The following KCTD9 variants were observed in gnomAD, a reference collection of about 807,000 sequenced individuals.
KCTD9 encodes potassium channel tetramerization domain containing 9.
Under a neutral mutation model 53.3 loss-of-function variants are expected in KCTD9, and 17 were observed. That is an observed-to-expected ratio of 0.32 (90% CI 0.22 to 0.48). The LOEUF is 0.48. Among genes scored for constraint, KCTD9 ranks in the 20% least tolerant of loss-of-function variants. The pLI is 0.99. For synonymous variants in KCTD9, 128 were observed against 162.7 expected (o/e 0.79, Z 1.62); for missense variants, 179 against 465.5 (o/e 0.38, Z 5.66).
At chr8:25,454,321 C>G (rs180872832) in intron 1 of KCTD9, among the ~76,000 whole-genome samples, 2 of 152,282 alleles carry the variant, frequency 1.3e-5, no homozygotes, top group Admixed American at 1.3e-4. Flanking sequence ...ACTCAGAAGG[C>G]ATTTACTAAG....
At chr8:25,442,584 T>C (rs941178294) in intron 3 of KCTD9, among the ~76,000 whole-genome samples, 3 of 152,216 alleles carry the variant, frequency 2.0e-5, no homozygotes, top group Non-Finnish European at 2.9e-5. Context: ...ATTGTTCTCA[T>C]AGTATCTTGG....
chr8:25,452,780 T>C (rs537625431), intron 1 of KCTD9, among the ~76,000 whole-genome samples: 4 of 152,358 alleles, frequency 2.6e-5, no homozygotes, highest in Non-Finnish European at 4.4e-5. Context: ...CATGGTAGTA[T>C]TTGTATAACA....
chr8:25,440,416 T>G (rs1330107436), intron 4 of KCTD9, 161 bp downstream of exon 4: 6 of 585,280 alleles, frequency 1.0e-5, no homozygotes, highest in Non-Finnish European at 1.8e-5. Flanking sequence ...GAGTGAACCA[T>G]GTTTTTTTCT....
chr8:25,451,350 G>C (rs143865236), intron 1 of KCTD9: 73 of 152,248 alleles, frequency 4.8e-4, no homozygotes, highest in African/African-American at 1.7e-3. Flanking sequence ...AGAAAGAGGA[G>C]CAATAAAAAT....
intron 3 of KCTD9, among the ~76,000 whole-genome samples, chr8:25,441,061 G>A (rs937395528): frequency 6.6e-6 from 1 of 152,074 alleles, no homozygotes; most frequent in Non-Finnish European, 1.5e-5. Context: ...ATCTTATAGG[G>A]CTGAAAATAA....
intron 5 of KCTD9, 39 bp from the exon 6 acceptor site, chr8:25,439,446 A>T: frequency 6.3e-7 from 1 of 1,576,374 alleles, no homozygotes; most frequent in Non-Finnish European, 8.6e-7. Flanking sequence ...CCCCATAAAC[A>T]AAAAATAAAG....
chr8:25,444,486 T>C, intron 2 of KCTD9, 151 bp from the exon 3 acceptor site: 1 of 648,788 alleles, frequency 1.5e-6, no homozygotes, highest in Non-Finnish European at 2.6e-6. Context: ...CAATGCTTTG[T>C]TTAACCCCTT....
intron 1 of KCTD9, chr8:25,457,439 G>T: frequency 1.1e-6 from 1 of 913,950 alleles, no homozygotes; most frequent in Non-Finnish European, 1.3e-6. Context: ...AAGAGAATTC[G>T]TTTTGGCTTG....
At chr8:25,445,442 TA>T (rs1280414099) in intron 2 of KCTD9, among the ~76,000 whole-genome samples, 1 of 151,990 alleles carries the variant, frequency 6.6e-6, no homozygotes, top group Non-Finnish European at 1.5e-5. Context: ...ACATCACTGA[TA>T]AAAAAAACTC....
At chr8:25,431,776 T>C (rs1801935103) in intron 11 of KCTD9, among the ~76,000 whole-genome samples, 1 of 152,180 alleles carries the variant, frequency 6.6e-6, no homozygotes, top group Admixed American at 6.5e-5. Context: ...AAAAATATTA[T>C]GAAAAAACAT....
intron 9 of KCTD9, among the ~76,000 whole-genome samples, chr8:25,434,343 C>G (rs906812963): frequency 6.6e-6 from 1 of 152,190 alleles, no homozygotes; most frequent in Non-Finnish European, 1.5e-5. Flanking sequence ...CTGCCTGCCT[C>G]TGCTCCCCAA....
At chr8:25,435,738 C>T (rs189522332) in intron 8 of KCTD9, among the ~76,000 whole-genome samples, 8 of 151,988 alleles carry the variant, frequency 5.3e-5, no homozygotes, top group East Asian at 3.9e-4. Flanking sequence ...GAATATAGCC[C>T]GGCTATAATT....
intron 1 of KCTD9, among the ~76,000 whole-genome samples, chr8:25,446,800 A>G (rs750701494): frequency 6.6e-6 from 1 of 152,198 alleles, no homozygotes; most frequent in African/African-American, 2.4e-5. Context: ...GACATCAACT[A>G]CCACAGAAAA....
chr8:25,451,676 T>C (rs1324771031), intron 1 of KCTD9: 2 of 152,194 alleles, frequency 1.3e-5, no homozygotes, highest in African/African-American at 4.8e-5. Flanking sequence ...TGCCTATGAG[T>C]TGGAGAGTAA....
chr8:25,454,255 G>C (rs147642906), intron 1 of KCTD9, among the ~76,000 whole-genome samples: 1 of 152,118 alleles, frequency 6.6e-6, no homozygotes, highest in South Asian at 2.1e-4. Flanking sequence ...ATGAAAACAC[G>C]GTACAGAATG....
intron 1 of KCTD9, among the ~76,000 whole-genome samples, chr8:25,449,579 T>C (rs1802280352): frequency 6.6e-6 from 1 of 152,222 alleles, no homozygotes; most frequent in East Asian, 1.9e-4. Context: ...GTCTATTGTC[T>C]TCCGATGAAA....
At chr8:25,451,482 T>A (rs886198688) in intron 1 of KCTD9, 1 of 152,236 alleles carries the variant, frequency 6.6e-6, no homozygotes, top group African/African-American at 2.4e-5. Flanking sequence ...GTATGTGTTA[T>A]CTCCACCATG....
rs113320920 is a variant in KCTD9, at chr8:25,444,213, T to C, written c.214+79A>G. The C allele has an allele frequency of 7.5e-4, 825 of 1,103,706 alleles. 5 individuals are homozygous for C. In the African/African-American group the frequency reaches 0.011, roughly 15 times the overall value. The allele number at this position is 1,103,706 out of a possible 1,614,324, so 68.4% of individuals were successfully genotyped here. On this transcript the variant is annotated intron_variant, in intron 3 of 11. Transcript: ENST00000221200. ...GATCATTTTTAATGTTTAAGCTTAA[T>C]AGCCCCATTTAAAATAATTGTCATT... is the stretch of plus-strand genomic sequence containing the variant.
intron 2 of KCTD9, 136 bp from the exon 3 acceptor site, chr8:25,444,471 G>T: frequency 1.4e-6 from 1 of 721,696 alleles, no homozygotes; most frequent in Non-Finnish European, 2.2e-6. Flanking sequence ...AAGAAGCTAA[G>T]TTTCCAATGC....
Sources: allele counts gnomAD v4.1 joint callset (sites outside exome capture counted in the v4.1 genomes callset), GRCh38; gene constraint gnomAD v4.1.1; transcripts MANE v1.5; gene names NCBI Gene and HGNC (gene_info 2026-07-23, HGNC 2026-07-21).